NINL: variants seen among roughly 807,000 people sequenced by gnomAD.
NINL encodes ninein like.
NINL carries 153 observed loss-of-function variants against 160.3 expected under a neutral mutation model. The observed-to-expected ratio is 0.95, with a 90% CI of 0.84 to 1.09. NINL has a LOEUF of 1.09. NINL is among the 50% of genes least tolerant of loss of function. The pLI is 0.00. For missense variants in NINL, 1,829 were observed against 1,764.0 expected, an observed-to-expected ratio of 1.04 and a Z score of -0.66; for synonymous variants, 800 against 734.8, an observed-to-expected ratio of 1.09 and a Z score of -1.43.
intron 13 of NINL, among the ~76,000 whole-genome samples, chr20:25,485,381 C>A (rs921611424): frequency 6.6e-6 from 1 of 152,234 alleles, no homozygotes; most frequent in Non-Finnish European, 1.5e-5. Context: ...AATAAGCAAT[C>A]TGCAAATCCT....
chr20:25,492,735 C>T (rs1466176122), intron 10 of NINL, among the ~76,000 whole-genome samples: 1 of 151,994 alleles, frequency 6.6e-6, no homozygotes, highest in Non-Finnish European at 1.5e-5. Flanking sequence ...AGCCACCACA[C>T]CCGGCCACAA....
rs548527436 is a variant in NINL, at chr20:25,480,774, C to T, written c.1811-507G>A. Among the ~76,000 whole-genome samples, 4 of 152,336 alleles carry T rather than the reference C, an allele frequency of 2.6e-5. No homozygotes were observed. In the South Asian group the frequency reaches 8.3e-4, roughly 32 times the overall value. ...CTGAGAGGCAGTTCTGGCACACTAA[C>T]CCCTGCTGGAATTAGCGCTCTGAGA... On this transcript the variant is annotated intron_variant, in intron 14 of 23. Coordinates refer to ENST00000278886, the MANE Select transcript of NINL (RefSeq NM_025176.6).
rs575709544 is a variant in NINL at position 25,528,747 on chromosome 20, G to A, written c.-11-2149C>T. Among the ~76,000 whole-genome samples the A allele has an allele frequency of 9.2e-5, 14 of 152,182 alleles. 1 individual carries two copies. In the South Asian group the frequency reaches 2.9e-3, roughly 32 times the overall value. ...GCCATCATTCTGACCCACAAAAACGGCAATTTCATATGGTTCAGCCTATAA... is the reference window on the plus strand; with the variant it reads ...GCCATCATTCTGACCCACAAAAACGACAATTTCATATGGTTCAGCCTATAA... On this transcript the variant is annotated intron_variant, in intron 1 of 23. Transcript: ENST00000278886.
At chr20:25,551,661 G>A (rs1053923509) in intron 1 of NINL, among the ~76,000 whole-genome samples, 4 of 152,246 alleles carry the variant, frequency 2.6e-5, no homozygotes, top group South Asian at 2.1e-4. Context: ...GGAGGCAAAC[G>A]GTTATTCTTA....
Position 25,535,634 on chromosome 20 carries a change from G to A in NINL, c.-11-9036C>T, listed in dbSNP as rs141404877. On this transcript the variant is annotated intron_variant, in intron 1 of 23. Coordinates refer to ENST00000278886, the MANE Select transcript of NINL (RefSeq NM_025176.6). ...TTACAGAACTGTACACTTAACAATG[G>A]TTAAGAGGGTAAATTTCATGTTGTG... 5.3e-5 allele frequency among the ~76,000 whole-genome samples: 8 copies of A among 152,208 alleles called. No homozygotes were observed. The East Asian group carries it at 1.2e-3, about 22-fold the overall frequency.
intron 15 of NINL, among the ~76,000 whole-genome samples, chr20:25,479,849 T>C (rs1263074211): frequency 2.0e-5 from 3 of 152,184 alleles, no homozygotes; most frequent in African/African-American, 7.2e-5. Flanking sequence ...CAGTAACTGA[T>C]TCCCACCCAC....
chr20:25,478,814 AC>A, intron 16 of NINL, 108 bp downstream of exon 16: 1 of 1,334,312 alleles, frequency 7.5e-7, no homozygotes, highest in Non-Finnish European at 1.0e-6. Flanking sequence ...GAGGAAAACC[AC>A]CCAGTCGGGA....
chr20:25,580,415 G>T (rs1264098810), intron 1 of NINL, among the ~76,000 whole-genome samples: 1 of 152,068 alleles, frequency 6.6e-6, no homozygotes, highest in Non-Finnish European at 1.5e-5. Flanking sequence ...TATCCTAGAG[G>T]TTCTCAAACT....
At chr20:25,521,985 C>T (rs2064271859) in intron 2 of NINL, among the ~76,000 whole-genome samples, 1 of 152,170 alleles carries the variant, frequency 6.6e-6, no homozygotes, top group Admixed American at 6.5e-5. Flanking sequence ...CAGCTCACTG[C>T]AGCTTCAATC....
At chr20:25,453,685 G>A (rs761804850) in intron 23 of NINL, 43 bp from the exon 24 acceptor site, 2 of 1,528,150 alleles carry the variant, frequency 1.3e-6, no homozygotes, top group Non-Finnish European at 1.8e-6. Flanking sequence ...GGCCGGTGGA[G>A]AAACGCTACA....
chr20:25,539,555 C>G (rs2064626448), intron 1 of NINL, among the ~76,000 whole-genome samples: 1 of 152,212 alleles, frequency 6.6e-6, no homozygotes, highest in Non-Finnish European at 1.5e-5. Flanking sequence ...ATACTGCCAC[C>G]AAGGACACCA....
chr20:25,477,100 A>G lies in NINL; in HGVS notation c.2202-11T>C. 1 of 1,583,324 alleles carries G rather than the reference A, an allele frequency of 6.3e-7. No individual in the cohort carries two copies. Among genetic ancestry groups the G allele is most frequent in the East Asian group, 2.2e-5 (1 of 44,478 alleles). On this transcript the variant is annotated splice_polypyrimidine_tract_variant and intron_variant, in intron 16 of 23. Transcript: ENST00000278886. ...GCCTCAGCCTCTCTCCTGTGGAAGT[A>G]GAACCGTCACACACCACAGCCCTGC... is the stretch of plus-strand genomic sequence containing the variant.
At chr20:25,569,561 G>A (rs1351993544) in intron 1 of NINL, among the ~76,000 whole-genome samples, 1 of 152,176 alleles carries the variant, frequency 6.6e-6, no homozygotes, top group Non-Finnish European at 1.5e-5. Flanking sequence ...AGCCTGGAGG[G>A]CAAGACAGCG....
Position 25,491,549 on chromosome 20 carries a change from G to A in NINL, c.1311-24C>T, listed in dbSNP as rs138898655. ...GCCTGTAACATGTCACACATCACAC[G>A]TCAGACATGTCATGTCAGGGCTGCC... On this transcript the variant is annotated intron_variant, in intron 10 of 23. Coordinates refer to ENST00000278886, the MANE Select transcript of NINL (RefSeq NM_025176.6). 5.0e-4 allele frequency: 808 copies of A among 1,605,444 alleles called. 9 individuals are homozygous for A. In the African/African-American group the frequency reaches 8.8e-3, roughly 17 times the overall value.
intron 1 of NINL, among the ~76,000 whole-genome samples, chr20:25,553,212 C>A (rs985141412): frequency 1.3e-5 from 2 of 148,668 alleles, no homozygotes; most frequent in Admixed American, 1.4e-4. Flanking sequence ...TCGTGATCCT[C>A]CCACCTCAGC....
At chr20:25,576,232 CACAGGCA>C (rs2065113508) in intron 1 of NINL, among the ~76,000 whole-genome samples, 1 of 152,136 alleles carries the variant, frequency 6.6e-6, no homozygotes, top group African/African-American at 2.4e-5. Context: ...TTGGAGTAGA[CACAGGCA>C]GGGCGTTATG....
At chr20:25,518,321 AG>A (rs1342409153) in intron 2 of NINL, among the ~76,000 whole-genome samples, 1 of 152,202 alleles carries the variant, frequency 6.6e-6, no homozygotes, top group Admixed American at 6.5e-5. Context: ...CTGTGTCCTC[AG>A]AAGCTTTGCT....
At chr20:25,554,111 G>A (rs142121322) in intron 1 of NINL, among the ~76,000 whole-genome samples, 4 of 152,222 alleles carry the variant, frequency 2.6e-5, no homozygotes, top group Admixed American at 6.5e-5. Context: ...TTCAGGCAAC[G>A]TTCAGGAAGG....
At chr20:25,549,335 C>T (rs2064779192) in intron 1 of NINL, among the ~76,000 whole-genome samples, 1 of 151,514 alleles carries the variant, frequency 6.6e-6, no homozygotes, top group Admixed American at 6.6e-5. Flanking sequence ...CCACAGCTCC[C>T]ATACCCAGCT....
Sources: gnomAD v4.1 joint callset for allele counts (sites outside exome capture counted in the v4.1 genomes callset) on GRCh38, gnomAD v4.1.1 for gene constraint, MANE v1.5 for transcripts, NCBI Gene and HGNC (gene_info 2026-07-23, HGNC 2026-07-21) for gene names.